The following GAS7 variants were observed in gnomAD, a reference collection of about 807,000 sequenced individuals.
GAS7 encodes the protein growth arrest specific 7.
A neutral mutation model predicts 71.1 loss-of-function variants in GAS7; 28 were observed. The ratio of observed to expected loss-of-function variants is 0.39; its 90% CI spans 0.29 to 0.54. The LOEUF (loss-of-function observed/expected upper bound fraction) is 0.54, where lower values mean the gene tolerates loss of function less well. GAS7 is among the 20% of genes least tolerant of loss of function. The pLI is 0.62. For synonymous variants in GAS7, 258 were observed against 245.8 expected, an observed-to-expected ratio of 1.05 and a Z score of -0.46; for missense variants, 436 against 627.8, an observed-to-expected ratio of 0.69 and a Z score of 3.27.
rs2074557111 is a variant in GAS7 at position 10,198,407 on chromosome 17, T to C, written c.-17A>G. On this transcript the variant is annotated 5_prime_UTR_variant, in exon 1 of 14. Transcript: ENST00000432992. ...GCCGGACATGGCCTTGGCGCCCGGG[T>C]TCACAGCGCAGCCTGCATTCCCGCC... The C allele has an allele frequency of 8.3e-6, 13 of 1,557,708 alleles. No homozygotes were observed. Among genetic ancestry groups the C allele is most frequent in the Non-Finnish European group, 1.0e-5 (12 of 1,161,396 alleles).
intron 1 of GAS7, among the ~76,000 whole-genome samples, chr17:10,117,868 A>G (rs550038964): frequency 1.2e-4 from 19 of 152,284 alleles, no homozygotes; most frequent in South Asian, 1.2e-3. Flanking sequence ...AGAAGGGCCA[A>G]CCTGCATTCT....
intron 1 of GAS7, among the ~76,000 whole-genome samples, chr17:10,068,292 G>A (rs2073303760): frequency 2.0e-5 from 3 of 152,058 alleles, no homozygotes; most frequent in Admixed American, 2.0e-4. Context: ...ACCTTTGCTA[G>A]AAAGCCCCTG....
rs1208434451 is a variant in GAS7 at position 9,912,135 on chromosome 17, G to A, written c.*5093C>T. The A allele has an allele frequency of 4.3e-6, 1 of 232,190 alleles. No individual in the cohort carries two copies. Among genetic ancestry groups the A allele is most frequent in the Admixed American group, 5.6e-5 (1 of 17,754 alleles). The allele number at this position is 232,190 out of a possible 1,614,324, so 14.4% of individuals were successfully genotyped here. A position where few individuals can be genotyped will look rare whatever the true frequency, so the allele number is the denominator to read the frequency against. On this transcript the variant is annotated 3_prime_UTR_variant, in exon 14 of 14. Coordinates refer to ENST00000432992, the MANE Select transcript of GAS7 (RefSeq NM_201433.2). ...CGGTCATTACTTGCACTGTCTTTGGGGGGTCCTAGGAGAAACTACCTCATT... is the reference window on the plus strand; with the variant it reads ...CGGTCATTACTTGCACTGTCTTTGGAGGGTCCTAGGAGAAACTACCTCATT...
chr17:9,949,241 C>T (rs959617597), intron 5 of GAS7, among the ~76,000 whole-genome samples: 4 of 152,146 alleles, frequency 2.6e-5, no homozygotes, highest in African/African-American at 9.7e-5. Flanking sequence ...GCAGATCCTG[C>T]TCAGCTCTTG....
At chr17:10,185,455 C>T (rs2142147733) in intron 1 of GAS7, among the ~76,000 whole-genome samples, 1 of 152,282 alleles carries the variant, frequency 6.6e-6, no homozygotes, top group Admixed American at 6.5e-5. Context: ...TCTCCTGGCC[C>T]TCAGAGCAAT....
At chr17:9,988,660 C>G (rs1292313564) in intron 2 of GAS7, among the ~76,000 whole-genome samples, 1 of 151,982 alleles carries the variant, frequency 6.6e-6, no homozygotes, top group African/African-American at 2.4e-5. Flanking sequence ...GCACTCCAGC[C>G]TGGGTGACAG....
In GAS7 at chr17:10,198,507, G is replaced by A. The variant is rs549224587; in HGVS notation, c.-117C>T. On this transcript the variant is annotated 5_prime_UTR_variant, in exon 1 of 14. Coordinates refer to ENST00000432992, the MANE Select transcript of GAS7 (RefSeq NM_201433.2). ...CTCCGGGCTCCCGCGCTCTGGGCGC[G>A]CGCCGTCTCTGGGGTGCGCGGGGGT... 1.8e-5 allele frequency: 12 copies of A among 680,750 alleles called. No individual in the cohort carries two copies. Among genetic ancestry groups the A allele is most frequent in the Non-Finnish European group, 1.7e-5 (8 of 460,918 alleles). 42.2% of individuals were successfully genotyped at this position (680,750 alleles called of 1,614,324 possible). A position where few individuals can be genotyped will look rare whatever the true frequency, so the allele number is the denominator to read the frequency against.
In GAS7 at chr17:10,174,529, A is replaced by T. The variant is rs566163234; in HGVS notation, c.183+23679T>A. Among the ~76,000 whole-genome samples the T allele has an allele frequency of 1.4e-3, 181 of 128,144 alleles. 1 individual carries two copies. Among genetic ancestry groups the T allele is most frequent in the African/African-American group, 5.0e-3 (173 of 34,840 alleles). 84.1% of individuals were successfully genotyped at this position (128,144 alleles called of 152,430 possible). On this transcript the variant is annotated intron_variant, in intron 1 of 13. Coordinates refer to ENST00000432992, the MANE Select transcript of GAS7 (RefSeq NM_201433.2). ...AACATGGTGAAACCCCGTCTCTACT[A>T]AAAATACAAAAAATTAGCCGGGCGC...
intron 1 of GAS7, among the ~76,000 whole-genome samples, chr17:10,044,541 G>A (rs1389366205): frequency 6.6e-6 from 1 of 152,100 alleles, no homozygotes; most frequent in Non-Finnish European, 1.5e-5. Flanking sequence ...TGTATTTTGT[G>A]GTAGTAAATG....
chr17:10,051,671 T>G (rs2073064438), intron 1 of GAS7, among the ~76,000 whole-genome samples: 1 of 152,054 alleles, frequency 6.6e-6, no homozygotes, highest in Non-Finnish European at 1.5e-5. Flanking sequence ...ACAAACATGG[T>G]CCTTGACCAA....
intron 1 of GAS7, among the ~76,000 whole-genome samples, chr17:10,121,088 C>T (rs766735641): frequency 6.6e-5 from 10 of 152,342 alleles, no homozygotes; most frequent in Non-Finnish European, 1.2e-4. Flanking sequence ...TGGTTAAGAG[C>T]TTGGGCTCTA....
In GAS7 at chr17:10,173,015, C is replaced by G. The variant is rs79259417; in HGVS notation, c.183+25193G>C. 3.5e-3 allele frequency among the ~76,000 whole-genome samples: 539 copies of G among 152,334 alleles called. 4 individuals carry two copies. The highest frequency in any genetic ancestry group is 0.015 in the Admixed American group (222 of 15,306). ...TTCAGTCATGAAAAGCAATGAAGTA[C>G]TGATACACGTCACTACGCAAATGAA... On this transcript the variant is annotated intron_variant, in intron 1 of 13. Transcript: ENST00000432992.
At chr17:9,917,941 G>T in intron 13 of GAS7, 60 bp downstream of exon 13, 5 of 1,222,196 alleles carry the variant, frequency 4.1e-6, no homozygotes, top group Non-Finnish European at 6.0e-6. Context: ...ACGGCCTAGC[G>T]CCAGGCGGCT....
At chr17:9,977,074 T>C (rs1164334498) in intron 3 of GAS7, among the ~76,000 whole-genome samples, 1 of 152,240 alleles carries the variant, frequency 6.6e-6, no homozygotes, top group African/African-American at 2.4e-5. Context: ...GTCAATTTCA[T>C]GGTTTTGACA....
intron 1 of GAS7, among the ~76,000 whole-genome samples, chr17:10,119,118 C>T (rs1340269941): frequency 6.6e-6 from 1 of 152,142 alleles, no homozygotes; most frequent in Non-Finnish European, 1.5e-5. Flanking sequence ...ACGGCTCCAG[C>T]ATGAGGTGGG....
intron 2 of GAS7, among the ~76,000 whole-genome samples, chr17:9,999,108 C>T (rs1277869208): frequency 6.6e-6 from 1 of 152,224 alleles, no homozygotes; most frequent in Non-Finnish European, 1.5e-5. Flanking sequence ...TCCGCTTATG[C>T]ATCAACTTTT....
At chr17:10,176,084 G>A (rs2074372484) in intron 1 of GAS7, among the ~76,000 whole-genome samples, 1 of 152,216 alleles carries the variant, frequency 6.6e-6, no homozygotes, top group African/African-American at 2.4e-5. Flanking sequence ...CCAGGGTTGA[G>A]AACACACCTC....
chr17:10,109,686 AG>A (rs758507235), intron 1 of GAS7, among the ~76,000 whole-genome samples: 2 of 152,264 alleles, frequency 1.3e-5, no homozygotes, highest in Non-Finnish European at 2.9e-5. Context: ...TGGGAGGCCA[AG>A]GCAGGTGGAT....
At chr17:10,161,982 G>C (rs1429466631) in intron 1 of GAS7, among the ~76,000 whole-genome samples, 1 of 151,000 alleles carries the variant, frequency 6.6e-6, no homozygotes, top group Non-Finnish European at 1.5e-5. Context: ...CAGGAGAATG[G>C]CGTGAACCCG....
Sources: gnomAD v4.1 joint callset for allele counts (sites outside exome capture counted in the v4.1 genomes callset) on GRCh38, gnomAD v4.1.1 for gene constraint, MANE v1.5 for transcripts, NCBI Gene and HGNC (gene_info 2026-07-23, HGNC 2026-07-21) for gene names.